OSBPL10: variants seen among roughly 807,000 people sequenced by gnomAD.
OSBPL10 encodes the protein oxysterol binding protein like 10.
A neutral mutation model predicts 81.7 loss-of-function variants in OSBPL10; 49 were observed. The ratio of observed to expected loss-of-function variants is 0.60; its 90% CI spans 0.48 to 0.76. The LOEUF is 0.76. Ranked by LOEUF, OSBPL10 falls within the 30% of genes least tolerant of loss-of-function variation. The pLI is 0.00. For missense variants in OSBPL10, 923 were observed against 987.8 expected (o/e 0.93, Z 0.88); for synonymous variants, 419 against 383.6 (o/e 1.09, Z -1.08).
chr3:31,772,785 A>C (rs138336201), intron 4 of OSBPL10, among the ~76,000 whole-genome samples: 1 of 152,364 alleles, frequency 6.6e-6, no homozygotes, highest in Non-Finnish European at 1.5e-5. Context: ...CAATGAAGTT[A>C]TAAATACATG....
At chr3:31,781,156 A>C (rs1199690503) in intron 4 of OSBPL10, among the ~76,000 whole-genome samples, 1 of 152,252 alleles carries the variant, frequency 6.6e-6, no homozygotes, top group Non-Finnish European at 1.5e-5. Flanking sequence ...GAGATGGTTT[A>C]ACATATTTAA....
chr3:31,909,694 G>A (rs552817853), intron 1 of OSBPL10, among the ~76,000 whole-genome samples: 2 of 152,202 alleles, frequency 1.3e-5, no homozygotes, highest in Admixed American at 6.5e-5. Context: ...CACTGTGACT[G>A]ACATAACCCT....
chr3:31,837,496 A>T (rs1311489971), intron 3 of OSBPL10, among the ~76,000 whole-genome samples: 2 of 151,316 alleles, frequency 1.3e-5, no homozygotes, highest in African/African-American at 4.8e-5. Context: ...AAATTACAGT[A>T]ACCATCATAT....
chr3:31,985,757 C>T (rs1473063732), upstream of OSBPL10, among the ~76,000 whole-genome samples: 4 of 152,182 alleles, frequency 2.6e-5, no homozygotes, highest in Admixed American at 2.6e-4. Context: ...ATGTGTTGTA[C>T]GTCCCAAATA....
intron 8 of OSBPL10, among the ~76,000 whole-genome samples, chr3:31,682,677 T>G (rs898332778): frequency 5.3e-5 from 8 of 152,234 alleles, no homozygotes; most frequent in African/African-American, 1.7e-4. Flanking sequence ...CTACAACACT[T>G]ACCATTCTTC....
At chr3:31,894,082 CAG>C (rs1181509166) in intron 1 of OSBPL10, among the ~76,000 whole-genome samples, 6 of 152,112 alleles carry the variant, frequency 3.9e-5, no homozygotes, top group African/African-American at 9.7e-5. Flanking sequence ...GTGGTGATGG[CAG>C]AGTTTCAGTT....
chr3:31,730,275 A>G, intron 6 of OSBPL10, among the ~76,000 whole-genome samples: 1 of 151,768 alleles, frequency 6.6e-6, no homozygotes, highest in South Asian at 2.1e-4. Flanking sequence ...CGGGAGGCGG[A>G]GGTTGCAGTG....
intron 1 of OSBPL10, among the ~76,000 whole-genome samples, chr3:31,881,322 C>T (rs1270000864): frequency 2.6e-5 from 4 of 152,176 alleles, no homozygotes. Context: ...TCCCACGTTT[C>T]TCCATCCATG....
At chr3:31,745,679 G>A (rs986185672) in intron 5 of OSBPL10, among the ~76,000 whole-genome samples, 1 of 152,132 alleles carries the variant, frequency 6.6e-6, no homozygotes, top group Admixed American at 6.6e-5. Context: ...TTAGCTGGGT[G>A]GTCTTGGGCA....
intron 3 of OSBPL10, among the ~76,000 whole-genome samples, chr3:31,856,682 G>A (rs990663328): frequency 1.3e-5 from 2 of 152,198 alleles, no homozygotes; most frequent in Admixed American, 6.5e-5. Context: ...AATGATTTGG[G>A]AAAGAAAATA....
chr3:31,774,187 A>T (rs1198291588), intron 4 of OSBPL10, among the ~76,000 whole-genome samples: 1 of 147,244 alleles, frequency 6.8e-6, no homozygotes, highest in East Asian at 1.9e-4. Flanking sequence ...AAAGAAAGAC[A>T]GACTGAAAAC....
chr3:31,878,452 A>C (rs986926640), intron 2 of OSBPL10, among the ~76,000 whole-genome samples: 1 of 143,616 alleles, frequency 7.0e-6, no homozygotes, highest in Non-Finnish European at 1.6e-5. Flanking sequence ...CACATTCCTG[A>C]AAGTTTTTTA....
At chr3:31,940,656 C>A (rs1224566773) in intron 1 of OSBPL10, among the ~76,000 whole-genome samples, 1 of 152,124 alleles carries the variant, frequency 6.6e-6, no homozygotes, top group Non-Finnish European at 1.5e-5. Context: ...TACTGAAGTT[C>A]TTATCTTTTC....
At chr3:31,797,622 C>A (rs1414565844) in intron 4 of OSBPL10, 3 of 327,194 alleles carry the variant, frequency 9.2e-6, no homozygotes, top group African/African-American at 2.2e-5. Context: ...ACTACAATTT[C>A]TGTGAACCCT....
chr3:31,678,164 A>G (rs1476416888), intron 8 of OSBPL10, among the ~76,000 whole-genome samples: 1 of 151,318 alleles, frequency 6.6e-6, no homozygotes, highest in African/African-American at 2.4e-5. Flanking sequence ...GGACCTCATC[A>G]CTCTCTCAAG....
chr3:31,805,859 C>T (rs1699509026), intron 4 of OSBPL10, among the ~76,000 whole-genome samples: 1 of 152,178 alleles, frequency 6.6e-6, no homozygotes, highest in South Asian at 2.1e-4. Flanking sequence ...CTTACAATAA[C>T]GATGACGATG....
chr3:32,021,370 T>C (rs1699362368), intron 2 of OSBPL10, among the ~76,000 whole-genome samples: 1 of 152,200 alleles, frequency 6.6e-6, no homozygotes, highest in South Asian at 2.1e-4. Flanking sequence ...TTGTGTATAT[T>C]CCTAGAACTG....
chr3:31,966,662 T>C (rs1242901837), intron 1 of OSBPL10, among the ~76,000 whole-genome samples: 1 of 151,824 alleles, frequency 6.6e-6, no homozygotes, highest in Non-Finnish European at 1.5e-5. Flanking sequence ...CATACCTAAA[T>C]TCAACAACTT....
intron 1 of OSBPL10, among the ~76,000 whole-genome samples, chr3:32,046,925 G>A (rs191338589): frequency 2.0e-5 from 3 of 152,316 alleles, no homozygotes; most frequent in East Asian, 3.9e-4. Flanking sequence ...GGTCCCAATC[G>A]AGACTCCAAG....
Sources: allele counts gnomAD v4.1 joint callset (sites outside exome capture counted in the v4.1 genomes callset), GRCh38; gene constraint gnomAD v4.1.1; transcripts MANE v1.5; gene names NCBI Gene and HGNC (gene_info 2026-07-23, HGNC 2026-07-21).